Variants in CPNE8 observed in about 807,000 individuals in gnomAD.
CPNE8 encodes copine-8.
Under a neutral mutation model 81.5 loss-of-function variants are expected in CPNE8, and 45 were observed. The ratio of observed to expected loss-of-function variants is 0.55; its 90% confidence interval spans 0.44 to 0.71. The LOEUF (loss-of-function observed/expected upper bound fraction) is 0.71. CPNE8 is among the 30% of genes least tolerant of loss of function. CPNE8 has a pLI of 0.00. For synonymous variants in CPNE8, 252 were observed against 226.3 expected (o/e 1.11, Z -1.02); for missense variants, 594 against 672.1 (o/e 0.88, Z 1.28).
At chr12:38,893,917 C>T (rs1012223987) in intron 1 of CPNE8, among the ~76,000 whole-genome samples, 1 of 152,016 alleles carries the variant, frequency 6.6e-6, no homozygotes, top group African/African-American at 2.4e-5. Context: ...GTAAAATAGC[C>T]TTTTTTGTTT....
intron 6 of CPNE8, among the ~76,000 whole-genome samples, chr12:38,805,522 G>A (rs1471626714): frequency 9.3e-6 from 1 of 107,728 alleles, no homozygotes; most frequent in Non-Finnish European, 1.9e-5. Context: ...GGGGTCGGGG[G>A]ATGGGGGAGG....
intron 19 of CPNE8, among the ~76,000 whole-genome samples, chr12:38,661,010 G>A (rs1416425479): frequency 6.6e-6 from 1 of 152,186 alleles, no homozygotes; most frequent in Non-Finnish European, 1.5e-5. Flanking sequence ...ACTGTTGGTG[G>A]GAGTGTAAAT....
At chr12:38,660,026 ATGGCCATACTGCCCAAGGCAATT>A (rs1938916603) in intron 19 of CPNE8, among the ~76,000 whole-genome samples, 1 of 152,346 alleles carries the variant, frequency 6.6e-6, no homozygotes, top group African/African-American at 2.4e-5. Context: ...TATCATGAAA[ATGGCCATACTGCCCAAGGCAATT>A]TATAGATTCA....
chr12:38,740,708 G>A (rs964835941), intron 10 of CPNE8, among the ~76,000 whole-genome samples: 1 of 152,186 alleles, frequency 6.6e-6, no homozygotes, highest in Non-Finnish European at 1.5e-5. Flanking sequence ...ATTTGCATAT[G>A]TTGAACCAGC....
chr12:38,749,082 T>C (rs1941299215), intron 10 of CPNE8, among the ~76,000 whole-genome samples: 1 of 152,132 alleles, frequency 6.6e-6, no homozygotes, highest in Non-Finnish European at 1.5e-5. Flanking sequence ...AGGAACCCTG[T>C]GGGAAGTAAT....
intron 6 of CPNE8, among the ~76,000 whole-genome samples, chr12:38,783,562 C>T (rs1409123447): frequency 2.0e-5 from 3 of 152,118 alleles, no homozygotes; most frequent in Non-Finnish European, 2.9e-5. Context: ...TGCCCACCCA[C>T]AGAGGGAGCA....
chr12:38,681,603 T>C (rs1939410799), intron 16 of CPNE8, among the ~76,000 whole-genome samples: 1 of 152,138 alleles, frequency 6.6e-6, no homozygotes, highest in African/African-American at 2.4e-5. Flanking sequence ...CAAATGACTT[T>C]AAGTAAAGGA....
intron 19 of CPNE8, among the ~76,000 whole-genome samples, chr12:38,664,817 G>T (rs1398048630): frequency 6.6e-6 from 1 of 151,994 alleles, no homozygotes; most frequent in East Asian, 1.9e-4. Flanking sequence ...TTTAGCTTAG[G>T]TTTGTTAGGT....
In CPNE8 at chr12:38,724,911, G is replaced by A; in HGVS notation, c.799-12C>T. On this transcript the variant is annotated splice_polypyrimidine_tract_variant and intron_variant, in intron 11 of 19. Coordinates refer to ENST00000331366, the MANE Select transcript of CPNE8 (RefSeq NM_153634.3). ...TTGGGATTCACCACCTTAAAAAGCA[G>A]ATAAAACAATTAAAATGTGTTAGGT... 1 of 1,522,562 alleles carries A rather than the reference G, an allele frequency of 6.6e-7. No homozygotes were observed. The highest frequency in any genetic ancestry group is 1.2e-5 in the South Asian group (1 of 86,900). 94.3% of individuals were successfully genotyped at this position (1,522,562 alleles called of 1,614,324 possible).
At chr12:38,680,551 AAT>A (rs1006582913) in intron 16 of CPNE8, among the ~76,000 whole-genome samples, 1 of 152,022 alleles carries the variant, frequency 6.6e-6, no homozygotes, top group African/African-American at 2.4e-5. Context: ...AAGGCATCAA[AAT>A]ATAGTGATTT....
chr12:38,906,586 T>C (rs1374968317), upstream of CPNE8: 1 of 985,456 alleles, frequency 1.0e-6, no homozygotes, highest in African/African-American at 1.7e-5. Context: ...AACTGAGACC[T>C]GACGGATAAA....
intron 3 of CPNE8, among the ~76,000 whole-genome samples, chr12:38,859,987 T>G (rs1388628543): frequency 1.3e-5 from 2 of 152,120 alleles, no homozygotes; most frequent in South Asian, 2.1e-4. Flanking sequence ...AAAAGTTTCA[T>G]GACATTGGTC....
chr12:38,676,184 T>C (rs1939285536), intron 17 of CPNE8: 2 of 579,914 alleles, frequency 3.4e-6, no homozygotes, highest in Non-Finnish European at 4.4e-6. Context: ...TTTTATTTAA[T>C]ATTTTTTCAC....
intron 19 of CPNE8, among the ~76,000 whole-genome samples, chr12:38,663,265 C>CA (rs1938997557): frequency 2.0e-5 from 3 of 151,310 alleles, no homozygotes; most frequent in African/African-American, 7.3e-5. Context: ...AATAGCAAAA[C>CA]AAAAAACAAA....
In CPNE8 at chr12:38,654,118, T is replaced by C. The variant is rs778023153; in HGVS notation, c.1507-48A>G. On this transcript the variant is annotated intron_variant, in intron 19 of 19. Coordinates refer to ENST00000331366, the MANE Select transcript of CPNE8 (RefSeq NM_153634.3). ...TTATTTCACAGACTTTAGCAGGCTA[T>C]GTAATAAACACAAAAAATCAACACA... The C allele has an allele frequency of 6.6e-6, 10 of 1,525,422 alleles. 1 individual carries two copies. The East Asian group carries it at 1.7e-4, about 25-fold the overall frequency. The allele number at this position is 1,525,422 out of a possible 1,614,324, so 94.5% of individuals were successfully genotyped here. A position where few individuals can be genotyped will look rare whatever the true frequency, so the allele number is the denominator to read the frequency against.
At chr12:38,835,820 GA>G (rs1235468929) in intron 5 of CPNE8, among the ~76,000 whole-genome samples, 1 of 152,064 alleles carries the variant, frequency 6.6e-6, no homozygotes, top group Non-Finnish European at 1.5e-5. Flanking sequence ...CACCTTCACT[GA>G]AGTCTAGTAT....
intron 18 of CPNE8, among the ~76,000 whole-genome samples, chr12:38,672,656 T>C (rs1252503794): frequency 1.3e-5 from 2 of 152,218 alleles, no homozygotes; most frequent in Non-Finnish European, 2.9e-5. Context: ...TAATTTGACT[T>C]TTTGGCTGCC....
At chr12:38,864,057 C>CACAAA (rs1555168919) in intron 3 of CPNE8, among the ~76,000 whole-genome samples, 3 of 89,908 alleles carry the variant, frequency 3.3e-5, no homozygotes, top group Non-Finnish European at 4.3e-5. Context: ...TCATCTCTCA[C>CACAAA]AAAAAAAAAA....
At position 38,787,799 on chromosome 12, in the gene CPNE8, G is replaced by C. The variant is rs559423509; in HGVS notation, c.408-11498C>G. Among the ~76,000 whole-genome samples the C allele has an allele frequency of 4.0e-5, 6 of 151,644 alleles. No individual in the cohort carries two copies. In the East Asian group the frequency reaches 9.7e-4, roughly 24 times the overall value. ...ACTGCAGAAATTCAAAGAATCATTA[G>C]CAGCTAACATAAGCACCTATATGCC... On this transcript the variant is annotated intron_variant, in intron 6 of 19. Transcript: ENST00000331366.
Sources: allele counts gnomAD v4.1 joint callset (sites outside exome capture counted in the v4.1 genomes callset), GRCh38; gene constraint gnomAD v4.1.1; transcripts MANE v1.5; gene names NCBI Gene and HGNC (gene_info 2026-07-23, HGNC 2026-07-21).